UVRAG: variants seen among roughly 807,000 people sequenced by gnomAD.
UVRAG encodes UV radiation resistance-associated gene protein.
A neutral mutation model predicts 78.0 loss-of-function variants in UVRAG; 19 were observed. That is an observed-to-expected ratio of 0.24 (90% CI 0.17 to 0.36). The LOEUF (loss-of-function observed/expected upper bound fraction) is 0.36. Among genes scored for constraint, UVRAG ranks in the 10% least tolerant of loss-of-function variants. UVRAG has a pLI of 1.00. For synonymous variants in UVRAG, 323 were observed against 324.6 expected (o/e 1.00, Z 0.05); for missense variants, 740 against 853.8 (o/e 0.87, Z 1.66).
intron 9 of UVRAG, among the ~76,000 whole-genome samples, chr11:76,006,312 G>T (rs549681298): frequency 2.4e-3 from 365 of 152,058 alleles, no homozygotes; most frequent in South Asian, 3.7e-3. Flanking sequence ...AGTTGATCAG[G>T]CAACTTACTT....
intron 5 of UVRAG, among the ~76,000 whole-genome samples, chr11:75,893,126 G>A (rs1257130125): frequency 4.6e-5 from 7 of 151,250 alleles, no homozygotes; most frequent in East Asian, 1.9e-4. Flanking sequence ...GCAGTGAGCC[G>A]AGATCGCACC....
At chr11:75,930,959 C>CTTTCTTTCTTTCTTTCTTTCTTTCTT in intron 6 of UVRAG, 1 of 150,366 alleles carries the variant, frequency 6.7e-6, no homozygotes, top group East Asian at 2.0e-4. Context: ...TTCTTTCTTT[C>CTTTCTTTCTTTCTTTCTTTCTTTCTT]TTTCTTTCTT....
At chr11:76,061,530 A>G (rs1304211818) in intron 12 of UVRAG, among the ~76,000 whole-genome samples, 3 of 152,100 alleles carry the variant, frequency 2.0e-5, no homozygotes, top group African/African-American at 4.8e-5. Flanking sequence ...ACTCACCGCG[A>G]AGGTCTGCAG....
At chr11:76,061,202 A>T (rs1223233849) in intron 12 of UVRAG, among the ~76,000 whole-genome samples, 1 of 152,090 alleles carries the variant, frequency 6.6e-6, no homozygotes, top group Non-Finnish European at 1.5e-5. Context: ...TCTGGTGGGG[A>T]CTTGGAGAAC....
At chr11:75,901,129 C>A (rs563815397) in intron 5 of UVRAG, among the ~76,000 whole-genome samples, 11 of 152,128 alleles carry the variant, frequency 7.2e-5, no homozygotes, top group Non-Finnish European at 1.5e-4. Flanking sequence ...TTATTAATGT[C>A]CAAATGAACA....
intron 1 of UVRAG, among the ~76,000 whole-genome samples, chr11:75,825,039 A>T (rs557991045): frequency 2.0e-5 from 3 of 152,098 alleles, no homozygotes; most frequent in Non-Finnish European, 4.4e-5. Flanking sequence ...AGAAAAAGAC[A>T]TCTGTCTTAT....
chr11:76,077,195 G>A (rs899787897), intron 13 of UVRAG, among the ~76,000 whole-genome samples: 6 of 148,448 alleles, frequency 4.0e-5, no homozygotes, highest in African/African-American at 1.2e-4. Flanking sequence ...CACATCTCTT[G>A]TATCTATTTA....
chr11:76,005,930 G>A (rs1306100234), intron 9 of UVRAG, among the ~76,000 whole-genome samples: 1 of 152,198 alleles, frequency 6.6e-6, no homozygotes, highest in Non-Finnish European at 1.5e-5. Context: ...TGCCCCGTCT[G>A]TGCACATCAA....
intron 13 of UVRAG, among the ~76,000 whole-genome samples, chr11:76,085,034 A>G (rs1337854865): frequency 6.8e-6 from 1 of 146,054 alleles, no homozygotes; most frequent in Non-Finnish European, 1.5e-5. Flanking sequence ...ATTGCACTCC[A>G]GCCTGGGGGA....
In UVRAG at chr11:75,983,369, G is replaced by T; in HGVS notation, c.700-18G>T. The T allele has an allele frequency of 6.4e-7, 1 of 1,567,312 alleles. No individual in the cohort carries two copies. The highest frequency in any genetic ancestry group is 8.7e-7 in the Non-Finnish European group (1 of 1,152,242). On this transcript the variant is annotated intron_variant, in intron 7 of 14. Transcript: ENST00000356136. ...GACATTTATATTCATAAATATACCT[G>T]TGATTTTATTTATTTAGAAAAAAAA...
chr11:75,855,197 T>C (rs1274154024), intron 2 of UVRAG, among the ~76,000 whole-genome samples: 1 of 152,236 alleles, frequency 6.6e-6, no homozygotes, highest in East Asian at 1.9e-4. Context: ...GCTCAGATTA[T>C]ATCTTGAATT....
intron 14 of UVRAG, among the ~76,000 whole-genome samples, chr11:76,130,289 T>G (rs546721022): frequency 1.3e-5 from 2 of 152,318 alleles, no homozygotes; most frequent in African/African-American, 4.8e-5. Flanking sequence ...GAGGTGGTTG[T>G]TTGACATTGA....
intron 3 of UVRAG, chr11:75,878,374 A>G (rs1369627104): frequency 1.2e-5 from 2 of 164,164 alleles, no homozygotes; most frequent in South Asian, 1.2e-4. Context: ...CTCACTTTCC[A>G]GACTGGGCAG....
At chr11:75,833,094 TTTTA>T (rs1263545342) in intron 1 of UVRAG, among the ~76,000 whole-genome samples, 2 of 152,188 alleles carry the variant, frequency 1.3e-5, no homozygotes, top group African/African-American at 4.8e-5. Context: ...ACAGTCTTTA[TTTTA>T]TTTATTTTTA....
chr11:75,990,269 T>C (rs1949579458), intron 8 of UVRAG, among the ~76,000 whole-genome samples: 1 of 152,212 alleles, frequency 6.6e-6, no homozygotes, highest in African/African-American at 2.4e-5. Flanking sequence ...TTACCAGCTG[T>C]GTAACCTTGT....
At chr11:75,967,590 G>T (rs1192548876) in intron 7 of UVRAG, among the ~76,000 whole-genome samples, 1 of 152,128 alleles carries the variant, frequency 6.6e-6, no homozygotes, top group Non-Finnish European at 1.5e-5. Context: ...TTGGTCTCAA[G>T]ACCTCTTTGT....
intron 12 of UVRAG, among the ~76,000 whole-genome samples, chr11:76,060,782 G>A (rs1951072216): frequency 6.6e-6 from 1 of 152,244 alleles, no homozygotes; most frequent in African/African-American, 2.4e-5. Context: ...TTTCTCGCCA[G>A]GCCTCAGCTG....
intron 3 of UVRAG, among the ~76,000 whole-genome samples, chr11:75,871,549 G>A (rs905851576): frequency 2.0e-5 from 3 of 150,852 alleles, no homozygotes; most frequent in Non-Finnish European, 4.4e-5. Context: ...CTCCCAAAGT[G>A]CTCGGATTAC....
At chr11:76,029,906 C>T (rs1950401681) in intron 12 of UVRAG, among the ~76,000 whole-genome samples, 1 of 152,178 alleles carries the variant, frequency 6.6e-6, no homozygotes. Flanking sequence ...CAACCTTCAG[C>T]AACCACCACC....
Sources: allele counts gnomAD v4.1 joint callset (sites outside exome capture counted in the v4.1 genomes callset), GRCh38; gene constraint gnomAD v4.1.1; transcripts MANE v1.5; gene names NCBI Gene and HGNC (gene_info 2026-07-23, HGNC 2026-07-21).